The following HSH2D variants were observed in gnomAD, a reference collection of about 807,000 sequenced individuals.
HSH2D encodes hematopoietic SH2 domain-containing protein.
A neutral mutation model predicts 21.5 loss-of-function variants in HSH2D; 16 were observed. The observed-to-expected ratio is 0.74, with a 90% CI of 0.50 to 1.13. HSH2D has a LOEUF of 1.13. Among genes scored for constraint, HSH2D ranks in the 50% most tolerant of loss-of-function variants. The pLI is 0.00. For synonymous variants in HSH2D, 172 were observed against 184.7 expected (o/e 0.93, Z 0.56); for missense variants, 418 against 441.4 (o/e 0.95, Z 0.47).
chr19:16,147,061 G>T (rs2091081251), intron 1 of HSH2D, among the ~76,000 whole-genome samples: 1 of 151,850 alleles, frequency 6.6e-6, no homozygotes, highest in Non-Finnish European at 1.5e-5. Flanking sequence ...CCTGACCTCA[G>T]GTGATCCACC....
intron 4 of HSH2D, among the ~76,000 whole-genome samples, chr19:16,153,654 C>T (rs1180859130): frequency 6.8e-6 from 1 of 147,598 alleles, no homozygotes; most frequent in African/African-American, 2.6e-5. Flanking sequence ...GTGGGTGGAG[C>T]ATCTTTCCTT....
chr19:16,152,213 C>T (rs935153574), intron 2 of HSH2D, among the ~76,000 whole-genome samples: 2 of 150,928 alleles, frequency 1.3e-5, no homozygotes, highest in Admixed American at 6.6e-5. Flanking sequence ...GTCAGGAGAT[C>T]GAGACCATCC....
chr19:16,153,248 G>A, intron 4 of HSH2D, 40 bp downstream of exon 4: 1 of 1,463,376 alleles, frequency 6.8e-7, no homozygotes, highest in Non-Finnish European at 9.0e-7. Context: ...CCATTTCCTT[G>A]GGGCCAAGCC....
chr19:16,138,990 T>C (rs2090982142), upstream of HSH2D, among the ~76,000 whole-genome samples: 1 of 152,128 alleles, frequency 6.6e-6, no homozygotes, highest in South Asian at 2.1e-4. Context: ...CCTGAGTATC[T>C]GGGATTACAG....
intron 1 of HSH2D, among the ~76,000 whole-genome samples, chr19:16,136,028 C>T (rs1435827949): frequency 1.3e-5 from 2 of 152,166 alleles, no homozygotes; most frequent in Non-Finnish European, 2.9e-5. Flanking sequence ...GCATTGCAAA[C>T]TCAGTGGGTT....
rs369352376 is a variant in HSH2D at position 16,152,701 on chromosome 19, G to GGGCAA, written c.215+63_215+67dup. 1.6e-5 allele frequency: 20 copies of GGGCAA among 1,252,446 alleles called. 1 individual carries two copies. Among genetic ancestry groups the GGGCAA allele is most frequent in the African/African-American group, 1.5e-4 (10 of 67,408 alleles). 77.6% of individuals were successfully genotyped at this position (1,252,446 alleles called of 1,614,324 possible). On this transcript the variant is annotated intron_variant, in intron 3 of 5. Coordinates refer to ENST00000613986, the MANE Select transcript of HSH2D (RefSeq NM_001382417.1). ...GTGGGCTCTTGGGTTTCCTTGGAGG[G>GGGCAA]GGCAAGGGGTGCTTCATGTCATAGC...
At position 16,147,962 on chromosome 19, in the gene HSH2D, G is replaced by T. The variant is rs576790833; in HGVS notation, c.-27-762G>T. On this transcript the variant is annotated intron_variant, in intron 1 of 5. Transcript: ENST00000613986. ...GCCCAGCCACACAAGCCAGTTTTTT[G>T]TTGTTGTTGTTTTTGAAACATGGTC... Among the ~76,000 whole-genome samples the T allele has an allele frequency of 4.0e-4, 60 of 151,020 alleles. No individual in the cohort carries two copies. The East Asian group carries it at 6.1e-3, about 15-fold the overall frequency.
In HSH2D at chr19:16,156,724, T is replaced by A. The variant is rs371090611; in HGVS notation, c.475-486T>A. 2.6e-3 allele frequency among the ~76,000 whole-genome samples: 398 copies of A among 152,198 alleles called. 2 individuals are homozygous for A. The highest frequency in any genetic ancestry group is 9.3e-3 in the African/African-American group (387 of 41,538). ...TTTGCCAGGCCAGGTGCGGTGGCTC[T>A]CATCTGTAATCCCAGCACTCTGGGA... On this transcript the variant is annotated intron_variant, in intron 5 of 5. Coordinates refer to ENST00000613986, the MANE Select transcript of HSH2D (RefSeq NM_001382417.1).
chr19:16,145,793 T>A (rs1035534874), intron 1 of HSH2D, among the ~76,000 whole-genome samples: 13 of 151,010 alleles, frequency 8.6e-5, no homozygotes, highest in Admixed American at 6.6e-4. Context: ...TTATGGTGAG[T>A]GGCCGGGCGC....
chr19:16,144,678 T>C (rs1376208258), intron 1 of HSH2D, among the ~76,000 whole-genome samples: 2 of 147,646 alleles, frequency 1.4e-5, no homozygotes, highest in East Asian at 4.0e-4. Flanking sequence ...TGGGTCGAAT[T>C]CTAGGCTCTT....
At chr19:16,138,800 C>T (rs977542447), upstream of HSH2D, among the ~76,000 whole-genome samples, 1 of 152,068 alleles carries the variant, frequency 6.6e-6, no homozygotes, top group Non-Finnish European at 1.5e-5. Context: ...TGCATGTGAA[C>T]TCATTCAGCA....
chr19:16,146,117 T>C (rs935208730), intron 1 of HSH2D, among the ~76,000 whole-genome samples: 3 of 145,064 alleles, frequency 2.1e-5, no homozygotes, highest in Admixed American at 6.9e-5. Flanking sequence ...GCAAGAGGGG[T>C]CCTGAAGGAA....
Position 16,143,753 on chromosome 19 carries a change from C to T in HSH2D, c.-49C>T, listed in dbSNP as rs537813750. On this transcript the variant is annotated 5_prime_UTR_variant, in exon 1 of 6. Coordinates refer to ENST00000613986, the MANE Select transcript of HSH2D (RefSeq NM_001382417.1). ...ACTGGCACAGCTACAGCGAGGGCCT[C>T]GGCCATCCAAGGGTCTCCCAGGTAT... is the stretch of plus-strand genomic sequence containing the variant. 8.8e-6 allele frequency: 4 copies of T among 453,942 alleles called. No homozygotes were observed. Among genetic ancestry groups the T allele is most frequent in the African/African-American group, 2.0e-5 (1 of 50,008 alleles). 28.1% of individuals were successfully genotyped at this position (453,942 alleles called of 1,614,324 possible).
chr19:16,156,833 C>T (rs1256474138), intron 5 of HSH2D, among the ~76,000 whole-genome samples: 1 of 151,924 alleles, frequency 6.6e-6, no homozygotes, highest in Non-Finnish European at 1.5e-5. Context: ...ACTGAAAATA[C>T]AAAAATTAGC....
In HSH2D at chr19:16,148,887, C is replaced by A. The variant is rs1341743415; in HGVS notation, c.125+12C>A. ...GCAATCTCAAGAGAGTGAGGACACA[C>A]CCACACCCTCCACCCTGCCCTCCCC... is the stretch of plus-strand genomic sequence containing the variant. On this transcript the variant is annotated intron_variant, in intron 2 of 5. Coordinates refer to ENST00000613986, the MANE Select transcript of HSH2D (RefSeq NM_001382417.1). The A allele has an allele frequency of 3.1e-5, 50 of 1,601,692 alleles. No homozygotes were observed. Among genetic ancestry groups the A allele is most frequent in the Non-Finnish European group, 4.0e-5 (47 of 1,172,794 alleles).
In HSH2D at chr19:16,153,110, G is replaced by C; in HGVS notation, c.283G>C (p.Glu95Gln). Residue 95 changes from glutamate to glutamine, a missense_variant, in exon 4 of 6, where the codon GAG (glutamate) becomes CAG (glutamine). Glu to Gln is a conservative substitution (Grantham distance 29). Coordinates refer to ENST00000613986, the MANE Select transcript of HSH2D (RefSeq NM_001382417.1). ...TGATGGGACTTTCATGATCCCCGGG[G>C]AGAAGGTGGCCCACACCTCGCTGGA... is the stretch of plus-strand genomic sequence containing the variant. ...LDDGTFMIPG[E>Q]KVAHTSLDAL... The C allele has an allele frequency of 6.2e-7, 1 of 1,607,688 alleles. No homozygotes were observed. Among genetic ancestry groups the C allele is most frequent in the East Asian group, 2.2e-5 (1 of 44,704 alleles).
chr19:16,147,969 T>C (rs2091095599), intron 1 of HSH2D, among the ~76,000 whole-genome samples: 2 of 151,616 alleles, frequency 1.3e-5, no homozygotes, highest in South Asian at 4.2e-4. Context: ...TTTGTTGTTG[T>C]TGTTTTTGAA....
chr19:16,156,298 C>A (rs2091235975), intron 5 of HSH2D, among the ~76,000 whole-genome samples: 1 of 151,678 alleles, frequency 6.6e-6, no homozygotes, highest in Non-Finnish European at 1.5e-5. Flanking sequence ...TGCAGTGAGC[C>A]ATGATTGCAC....
At chr19:16,143,976 CA>C (rs1424388435) in intron 1 of HSH2D, among the ~76,000 whole-genome samples, 6 of 151,786 alleles carry the variant, frequency 4.0e-5, no homozygotes, top group Non-Finnish European at 8.8e-5. Flanking sequence ...GGGGTCTTGG[CA>C]AGACAACAGC....
Sources: allele counts gnomAD v4.1 joint callset (sites outside exome capture counted in the v4.1 genomes callset), GRCh38; gene constraint gnomAD v4.1.1; transcripts MANE v1.5; gene names NCBI Gene and HGNC (gene_info 2026-07-23, HGNC 2026-07-21).